TUSC3: variants seen among roughly 807,000 people sequenced by gnomAD.
TUSC3 encodes the protein dolichyl-diphosphooligosaccharide--protein glycosyltransferase subunit TUSC3.
TUSC3 carries 45 observed loss-of-function variants against 44.8 expected under a neutral mutation model. The observed-to-expected ratio is 1.00, with a 90% CI of 0.79 to 1.29. The LOEUF (loss-of-function observed/expected upper bound fraction) is 1.29. TUSC3 is among the 50% of genes most tolerant of loss of function. The probability of loss-of-function intolerance (pLI) is 0.00; values close to 1 mark genes in which losing one functional copy is unlikely to be tolerated. For missense variants in TUSC3, 519 were observed against 437.9 expected (o/e 1.19, Z -1.65); for synonymous variants, 212 against 152.9 (o/e 1.39, Z -2.85).
chr8:15,429,307 C>G (rs1157732781), intron 1 of TUSC3, among the ~76,000 whole-genome samples: 5 of 151,982 alleles, frequency 3.3e-5, no homozygotes, highest in Non-Finnish European at 5.9e-5. Context: ...TCTGAGGGCT[C>G]TGTTCTGTTC....
intron 6 of TUSC3, among the ~76,000 whole-genome samples, chr8:15,681,635 G>T (rs1036011029): frequency 6.7e-6 from 1 of 149,152 alleles, no homozygotes; most frequent in South Asian, 2.1e-4. Context: ...TGGTTTCATT[G>T]ATTCTTTATA....
At chr8:15,527,878 C>A (rs1801396752) in intron 2 of TUSC3, among the ~76,000 whole-genome samples, 1 of 152,206 alleles carries the variant, frequency 6.6e-6, no homozygotes, top group Non-Finnish European at 1.5e-5. Flanking sequence ...TAGCCATATT[C>A]ACTTATATAC....
the TUSC3 span, among the ~76,000 whole-genome samples, chr8:15,788,914 A>T: frequency 1.3e-5 from 2 of 152,180 alleles, no homozygotes; most frequent in Non-Finnish European, 2.9e-5. Context: ...GGGGTACAAG[A>T]TGAGTCTCAT....
At chr8:15,567,520 A>G (rs1320780201) in intron 1 of TUSC3, among the ~76,000 whole-genome samples, 1 of 152,172 alleles carries the variant, frequency 6.6e-6, no homozygotes, top group African/African-American at 2.4e-5. Flanking sequence ...TAAGTATCAT[A>G]ATCCTGACAG....
intron 6 of TUSC3, among the ~76,000 whole-genome samples, chr8:15,684,114 G>A (rs758155397): frequency 7.2e-5 from 11 of 152,016 alleles, no homozygotes; most frequent in East Asian, 1.9e-4. Flanking sequence ...GAGGGAAGGC[G>A]GGGGCCATAT....
At chr8:15,503,616 A>C (rs1262598224) in intron 2 of TUSC3, among the ~76,000 whole-genome samples, 1 of 152,038 alleles carries the variant, frequency 6.6e-6, no homozygotes, top group Non-Finnish European at 1.5e-5. Flanking sequence ...AGAAGGGGGG[A>C]TTGCTTGAGC....
chr8:15,523,821 G>A (rs892338099), intron 2 of TUSC3, among the ~76,000 whole-genome samples: 7 of 150,604 alleles, frequency 4.6e-5, no homozygotes, highest in African/African-American at 1.7e-4. Context: ...ACTTTGAAAG[G>A]CCGAGGCAGG....
intron 10 of TUSC3, chr8:15,758,209 C>A: frequency 2.9e-6 from 3 of 1,017,482 alleles, no homozygotes; most frequent in Non-Finnish European, 3.5e-6. Flanking sequence ...GTAGCCAAAT[C>A]TTTTTTCCCA....
At chr8:15,613,603 C>T (rs1474612825) in intron 1 of TUSC3, among the ~76,000 whole-genome samples, 1 of 152,090 alleles carries the variant, frequency 6.6e-6, no homozygotes, top group Non-Finnish European at 1.5e-5. Context: ...GATTGTGAGG[C>T]CTCCCCAGCC....
downstream of TUSC3, among the ~76,000 whole-genome samples, chr8:15,770,449 C>A (rs1319169971): frequency 6.6e-6 from 1 of 151,910 alleles, no homozygotes; most frequent in African/African-American, 2.4e-5. Context: ...GGAGAAATAC[C>A]CAATGTAGAT....
intron 8 of TUSC3, among the ~76,000 whole-genome samples, chr8:15,743,826 C>T (rs1196285926): frequency 1.3e-5 from 2 of 151,226 alleles, no homozygotes; most frequent in African/African-American, 2.4e-5. Context: ...TGTTGATTTG[C>T]TTATAAAGTG....
intron 1 of TUSC3, among the ~76,000 whole-genome samples, chr8:15,601,363 G>C (rs1003760822): frequency 6.6e-6 from 1 of 151,686 alleles, no homozygotes; most frequent in African/African-American, 2.4e-5. Context: ...AGGCCCAAGT[G>C]TCTAAAGCAA....
At chr8:15,612,002 C>T (rs951312578) in intron 1 of TUSC3, among the ~76,000 whole-genome samples, 1 of 152,238 alleles carries the variant, frequency 6.6e-6, no homozygotes, top group East Asian at 1.9e-4. Context: ...AAAGTAAAGG[C>T]TTCTTGTTCT....
At chr8:15,448,108 C>CATATATATATATATATATATATAT (rs376338237) in intron 1 of TUSC3, among the ~76,000 whole-genome samples, 6 of 96,462 alleles carry the variant, frequency 6.2e-5, no homozygotes, top group African/African-American at 2.6e-4. Context: ...AGTGTATATA[C>CATATATATATATATATATATATAT]ATATATATAT....
intron 1 of TUSC3, among the ~76,000 whole-genome samples, chr8:15,606,432 G>C (rs556886792): frequency 3.2e-4 from 49 of 152,164 alleles, no homozygotes; most frequent in African/African-American, 1.1e-3. Flanking sequence ...TTTTTGGGGA[G>C]TGAACACTTA....
upstream of TUSC3, among the ~76,000 whole-genome samples, chr8:15,538,491 G>A (rs1200041491): frequency 2.0e-5 from 3 of 152,194 alleles, no homozygotes; most frequent in African/African-American, 7.2e-5. Context: ...AAGCATGACT[G>A]TAGAGCCAGA....
chr8:15,636,179 C>T (rs1806065215), intron 2 of TUSC3, among the ~76,000 whole-genome samples: 1 of 151,962 alleles, frequency 6.6e-6, no homozygotes, highest in Admixed American at 6.6e-5. Flanking sequence ...GGGAAGCAGC[C>T]ACAGCAGCCC....
chr8:15,478,939 A>G (rs1800621528), intron 1 of TUSC3, among the ~76,000 whole-genome samples: 1 of 152,128 alleles, frequency 6.6e-6, no homozygotes, highest in Admixed American at 6.6e-5. Context: ...CCTCGCCAGC[A>G]ACTGTTGTTT....
intron 1 of TUSC3, among the ~76,000 whole-genome samples, chr8:15,549,112 C>A (rs182445202): frequency 1.1e-4 from 17 of 151,814 alleles, no homozygotes; most frequent in Admixed American, 4.6e-4. Context: ...ATAATTTATA[C>A]CTCAGGTATA....
Sources: allele counts gnomAD v4.1 joint callset (sites outside exome capture counted in the v4.1 genomes callset), GRCh38; gene constraint gnomAD v4.1.1; transcripts MANE v1.5; gene names NCBI Gene and HGNC (gene_info 2026-07-23, HGNC 2026-07-21).